Variants in NUSAP1 observed in about 807,000 individuals in gnomAD.
The protein encoded by NUSAP1 is nucleolar and spindle associated protein 1.
NUSAP1 carries 32 observed loss-of-function variants against 52.8 expected under a neutral mutation model. The observed-to-expected ratio is 0.61, with a 90% CI of 0.46 to 0.81. The LOEUF (loss-of-function observed/expected upper bound fraction) is 0.81. Ranked by LOEUF, NUSAP1 falls within the 40% of genes least tolerant of loss-of-function variation. The pLI is 0.00. For synonymous variants in NUSAP1, 195 were observed against 183.1 expected, an observed-to-expected ratio of 1.06 and a Z score of -0.52; for missense variants, 499 against 522.3, an observed-to-expected ratio of 0.96 and a Z score of 0.43.
chr15:41,362,020 C>G (rs569681003), intron 6 of NUSAP1, among the ~76,000 whole-genome samples: 64 of 152,154 alleles, frequency 4.2e-4, no homozygotes, highest in African/African-American at 1.5e-3. Context: ...AAAAGACAGA[C>G]TTGTTTGATC....
intron 7 of NUSAP1, among the ~76,000 whole-genome samples, chr15:41,370,431 C>T (rs888632944): frequency 2.0e-5 from 3 of 151,426 alleles, no homozygotes; most frequent in African/African-American, 7.3e-5. Flanking sequence ...GCCTGGCCAA[C>T]ATGGCAAAAC....
chr15:41,370,749 CA>C (rs60034914), intron 7 of NUSAP1, among the ~76,000 whole-genome samples: 6,006 of 70,718 alleles, frequency 0.085, 284 homozygotes, highest in African/African-American at 0.21. Flanking sequence ...AACTCCATCT[CA>C]AAAAAAAAAA....
chr15:41,349,068 C>G, intron 2 of NUSAP1, 30 bp from the exon 3 acceptor site: 1 of 1,605,032 alleles, frequency 6.2e-7, no homozygotes, highest in Non-Finnish European at 8.5e-7. Flanking sequence ...GTAGACATAG[C>G]ACATAGCAGA....
chr15:41,375,625 T>G, intron 8 of NUSAP1, 87 bp from the exon 9 acceptor site: 1 of 910,588 alleles, frequency 1.1e-6, no homozygotes, highest in Non-Finnish European at 1.8e-6. Flanking sequence ...ACGTGTATTT[T>G]TAAGATTGAG....
At chr15:41,341,011 C>T (rs2048347061) in intron 1 of NUSAP1, among the ~76,000 whole-genome samples, 1 of 152,084 alleles carries the variant, frequency 6.6e-6, no homozygotes, top group African/African-American at 2.4e-5. Flanking sequence ...TGGCTGTGGC[C>T]CTCAACTGCA....
chr15:41,356,013 C>A, intron 4 of NUSAP1, 26 bp from the exon 5 acceptor site: 2 of 1,425,078 alleles, frequency 1.4e-6, no homozygotes, highest in South Asian at 1.2e-5. Context: ...TGAAATCCTT[C>A]ATTATTTCTG....
intron 6 of NUSAP1, among the ~76,000 whole-genome samples, chr15:41,362,191 C>T (rs1163671556): frequency 6.6e-6 from 1 of 151,828 alleles, no homozygotes; most frequent in Non-Finnish European, 1.5e-5. Context: ...CTCAAATAAA[C>T]AAATACATAT....
At chr15:41,377,902 G>A (rs1242348811) in intron 10 of NUSAP1, among the ~76,000 whole-genome samples, 1 of 150,954 alleles carries the variant, frequency 6.6e-6, no homozygotes, top group African/African-American at 2.4e-5. Flanking sequence ...TCGGGAGACT[G>A]AGGCAGGAAC....
chr15:41,347,506 T>G (rs961945664), intron 2 of NUSAP1, among the ~76,000 whole-genome samples: 4 of 152,078 alleles, frequency 2.6e-5, no homozygotes, highest in African/African-American at 4.8e-5. Flanking sequence ...AGGTTTTTCC[T>G]GATTTGCTAT....
At chr15:41,371,711 T>C (rs1338529326) in intron 8 of NUSAP1, 27 bp downstream of exon 8, 10 of 1,561,546 alleles carry the variant, frequency 6.4e-6, no homozygotes, top group Non-Finnish European at 8.6e-6. Flanking sequence ...ACAAAAGAAA[T>C]CTGTTTCATT....
Position 41,358,488 on chromosome 15 carries a change from G to A in NUSAP1, c.660+230G>A, listed in dbSNP as rs142160939. ...GCAGTGGCTCATGCCTGTAATCCCC[G>A]CACTTTGGGAGGCCAAGGCAAGTGG... On this transcript the variant is annotated intron_variant, in intron 6 of 10. Coordinates refer to ENST00000559596, the MANE Select transcript of NUSAP1 (RefSeq NM_016359.5). Among the ~76,000 whole-genome samples, 43 of 152,238 alleles carry A rather than the reference G, an allele frequency of 2.8e-4. No homozygotes were observed. In the East Asian group the frequency reaches 5.0e-3, roughly 18 times the overall value.
At chr15:41,335,530 T>C (rs1184117528) in intron 1 of NUSAP1, among the ~76,000 whole-genome samples, 1 of 137,920 alleles carries the variant, frequency 7.3e-6, no homozygotes, top group Non-Finnish European at 1.5e-5. Flanking sequence ...ATACTAAATA[T>C]ACTATATATA....
Position 41,332,897 on chromosome 15 carries a change from G to T in NUSAP1, c.-61G>T. ...AAGTTAAGAGTGGCGCCAGGGATTT[G>T]AACCGCGCTGACGAAGTTTGGTGAT... On this transcript the variant is annotated 5_prime_UTR_variant, in exon 1 of 11. Transcript: ENST00000559596. 1 of 1,359,054 alleles carries T rather than the reference G, an allele frequency of 7.4e-7. No individual in the cohort carries two copies. The highest frequency in any genetic ancestry group is 1.0e-6 in the Non-Finnish European group (1 of 967,890). The allele number at this position is 1,359,054 out of a possible 1,614,324, so 84.2% of individuals were successfully genotyped here. A position where few individuals can be genotyped will look rare whatever the true frequency, so the allele number is the denominator to read the frequency against.
Position 41,380,413 on chromosome 15 carries a change from T to C in NUSAP1, c.*227T>C, listed in dbSNP as rs1430079490. The C allele has an allele frequency of 1.2e-5, 4 of 337,200 alleles. No homozygotes were observed. Among genetic ancestry groups the C allele is most frequent in the African/African-American group, 8.6e-5 (4 of 46,388 alleles). The allele number at this position is 337,200 out of a possible 1,614,324, so 20.9% of individuals were successfully genotyped here. A position where few individuals can be genotyped will look rare whatever the true frequency, so the allele number is the denominator to read the frequency against. ...GGTTTTTACTTAAGTCCATTAACAA[T>C]TCAGGTTTCTAACGAGACCCATCCT... On this transcript the variant is annotated 3_prime_UTR_variant, in exon 11 of 11. Transcript: ENST00000559596.
chr15:41,369,414 G>A (rs778719749), intron 7 of NUSAP1, among the ~76,000 whole-genome samples: 10 of 152,022 alleles, frequency 6.6e-5, no homozygotes, highest in Non-Finnish European at 1.0e-4. Context: ...TTGGGAGCCC[G>A]AGTTGGGTGG....
chr15:41,349,567 C>T (rs372722392), intron 3 of NUSAP1, among the ~76,000 whole-genome samples: 2 of 152,000 alleles, frequency 1.3e-5, no homozygotes, highest in Non-Finnish European at 2.9e-5. Flanking sequence ...GTTGTTTTTT[C>T]GTTTGTTTAA....
chr15:41,377,091 A>G, intron 9 of NUSAP1, 105 bp from the exon 10 acceptor site: 1 of 644,696 alleles, frequency 1.6e-6, no homozygotes, highest in Non-Finnish European at 2.7e-6. Context: ...AAAGAAAAAA[A>G]AAGTATAAAT....
At chr15:41,351,706 G>C (rs2048784833) in intron 4 of NUSAP1, among the ~76,000 whole-genome samples, 1 of 152,128 alleles carries the variant, frequency 6.6e-6, no homozygotes, top group Admixed American at 6.6e-5. Flanking sequence ...AGGGTTGCTT[G>C]AACCCAGGAG....
In NUSAP1 at chr15:41,380,111, A is replaced by T. The variant is rs1242785464; in HGVS notation, c.1251A>T (p.Lys417Asn). The T allele has an allele frequency of 2.5e-6, 4 of 1,585,880 alleles. No individual in the cohort carries two copies. The African/African-American group carries it at 5.4e-5, about 21-fold the overall frequency. The stretch of plus-strand genomic sequence containing the variant: ...CTCTCAGGGAAGAGCAACGGAAGAA[A>T]CGCGAGCAAGAACGAAAGGAGAAGA... ...HLQTKEEQRKKREQERKEKKA... is the reference protein window; with the variant it reads ...HLQTKEEQRKNREQERKEKKA... Residue 417 changes from lysine to asparagine, a missense_variant, in exon 11 of 11, where the codon AAA becomes AAT. By Grantham distance (94) the Lys-to-Asn change is moderately conservative. Transcript: ENST00000559596.
Sources: allele counts gnomAD v4.1 joint callset (sites outside exome capture counted in the v4.1 genomes callset), GRCh38; gene constraint gnomAD v4.1.1; transcripts MANE v1.5; gene names NCBI Gene and HGNC (gene_info 2026-07-23, HGNC 2026-07-21).